The following CCSER1 variants were observed in gnomAD, a reference collection of about 807,000 sequenced individuals.
CCSER1 encodes the protein coiled-coil serine rich protein 1.
CCSER1 carries 41 observed loss-of-function variants against 82.0 expected under a neutral mutation model. The ratio of observed to expected loss-of-function variants is 0.50; its 90% CI spans 0.39 to 0.65. The LOEUF is 0.65. Among genes scored for constraint, CCSER1 ranks in the 30% least tolerant of loss-of-function variants. CCSER1 has a pLI of 0.00. For missense variants in CCSER1, 1,119 were observed against 1,064.2 expected, an observed-to-expected ratio of 1.05 and a Z score of -0.72; for synonymous variants, 414 against 383.9, an observed-to-expected ratio of 1.08 and a Z score of -0.92.
intron 10 of CCSER1, among the ~76,000 whole-genome samples, chr4:91,103,236 A>G (rs1254836000): frequency 6.6e-6 from 1 of 152,070 alleles, no homozygotes; most frequent in Non-Finnish European, 1.5e-5. Context: ...CCTATCCTCC[A>G]AGCACTTTGA....
rs185572886 is a variant in CCSER1 at position 90,702,400 on chromosome 4, C to T, written c.1933-21514C>T. Among the ~76,000 whole-genome samples the T allele has an allele frequency of 8.7e-4, 133 of 152,166 alleles. 2 individuals carry two copies. The East Asian group carries it at 0.022, about 26-fold the overall frequency. On this transcript the variant is annotated intron_variant, in intron 6 of 10. Transcript: ENST00000509176. ...AGTATTTTATTGAGGATTTTTTCAT[C>T]GATGTTCATCAGGGATATTGGTCTA...
intron 10 of CCSER1, among the ~76,000 whole-genome samples, chr4:91,347,292 A>G (rs1012249032): frequency 6.6e-6 from 1 of 152,074 alleles, no homozygotes; most frequent in African/African-American, 2.4e-5. Context: ...TCACTTGACT[A>G]TATTTGCTAT....
intron 8 of CCSER1, among the ~76,000 whole-genome samples, chr4:90,868,830 C>T (rs763401087): frequency 6.6e-6 from 1 of 151,942 alleles, no homozygotes; most frequent in Admixed American, 6.6e-5. Flanking sequence ...CAATAGTGTA[C>T]GAGGGTTCCC....
At chr4:90,396,905 G>T (rs1460822795) in intron 3 of CCSER1, among the ~76,000 whole-genome samples, 1 of 152,020 alleles carries the variant, frequency 6.6e-6, no homozygotes, top group Non-Finnish European at 1.5e-5. Flanking sequence ...GTATCCAGCT[G>T]CTAGGACTGA....
At chr4:90,913,851 C>G (rs1177143668) in intron 8 of CCSER1, among the ~76,000 whole-genome samples, 6 of 152,104 alleles carry the variant, frequency 3.9e-5, no homozygotes, top group Non-Finnish European at 8.8e-5. Context: ...ATCCTAGTCT[C>G]TGATAAAACA....
At chr4:90,636,036 T>G (rs1725357593) in intron 6 of CCSER1, among the ~76,000 whole-genome samples, 1 of 151,528 alleles carries the variant, frequency 6.6e-6, no homozygotes, top group Non-Finnish European at 1.5e-5. Context: ...TTGAAAAAGT[T>G]CAAAAAAAGG....
chr4:91,009,991 A>T (rs972060709), intron 9 of CCSER1, among the ~76,000 whole-genome samples: 8 of 152,036 alleles, frequency 5.3e-5, no homozygotes, highest in African/African-American at 1.7e-4. Context: ...TTACCTGAGA[A>T]TTTTTTACTT....
chr4:91,509,052 T>G (rs965887382), intron 10 of CCSER1, among the ~76,000 whole-genome samples: 2 of 152,014 alleles, frequency 1.3e-5, no homozygotes, highest in African/African-American at 4.8e-5. Flanking sequence ...AATTTCGGAT[T>G]TGCTTATTTT....
intron 10 of CCSER1, among the ~76,000 whole-genome samples, chr4:91,218,184 A>G (rs1371371657): frequency 6.6e-6 from 1 of 152,232 alleles, no homozygotes; most frequent in South Asian, 2.1e-4. Flanking sequence ...TGGGGGACTC[A>G]GTACACCCTT....
At chr4:91,269,770 A>G (rs1244763519) in intron 10 of CCSER1, among the ~76,000 whole-genome samples, 1 of 152,188 alleles carries the variant, frequency 6.6e-6, no homozygotes, top group Non-Finnish European at 1.5e-5. Context: ...AGAGAACTTT[A>G]ACTTCCAGAG....
chr4:91,325,054 TG>T (rs1746457660), intron 10 of CCSER1: 1 of 400,822 alleles, frequency 2.5e-6, no homozygotes, highest in East Asian at 7.2e-5. Context: ...ATCGGACCTG[TG>T]GGGCAAGGGG....
intron 10 of CCSER1, among the ~76,000 whole-genome samples, chr4:91,234,698 C>T (rs1289444254): frequency 6.6e-6 from 1 of 152,090 alleles, no homozygotes; most frequent in Non-Finnish European, 1.5e-5. Context: ...AGTGACATTT[C>T]ACTTTGAGTA....
At chr4:90,668,291 G>A (rs1243193068) in intron 6 of CCSER1, among the ~76,000 whole-genome samples, 2 of 151,814 alleles carry the variant, frequency 1.3e-5, no homozygotes, top group Non-Finnish European at 2.9e-5. Context: ...TTCTGTTATT[G>A]GAAAACTGTC....
intron 10 of CCSER1, among the ~76,000 whole-genome samples, chr4:91,552,768 A>G (rs7675352): frequency 0.69 from 104,219 of 151,044 alleles, 37,063 homozygotes; most frequent in African/African-American, 0.85. Context: ...AATTCTAACA[A>G]TTTTCTTGGT....
chr4:90,690,332 A>G lies in CCSER1; in HGVS notation c.1933-33582A>G, dbSNP rs867451128. ...CATTTTAAATGCTAATCTGCTTGCT[A>G]CCATAAACTAAGTATTAAAAGTGTA... On this transcript the variant is annotated intron_variant, in intron 6 of 10. Transcript: ENST00000509176. Among the ~76,000 whole-genome samples, 25 of 152,180 alleles carry G rather than the reference A, an allele frequency of 1.6e-4. No individual in the cohort carries two copies. In the Middle Eastern group the frequency reaches 0.01, roughly 63 times the overall value.
chr4:91,496,329 TAAAC>T (rs952689217), intron 10 of CCSER1, among the ~76,000 whole-genome samples: 6 of 151,000 alleles, frequency 4.0e-5, no homozygotes, highest in African/African-American at 1.2e-4. Context: ...TAAATTAAGT[TAAAC>T]AAACACATCT....
chr4:90,132,215 T>C (rs1401806390), intron 1 of CCSER1, among the ~76,000 whole-genome samples: 4 of 152,244 alleles, frequency 2.6e-5, no homozygotes, highest in Non-Finnish European at 4.4e-5. Flanking sequence ...ATCTGTTAAT[T>C]GGTACCTTTT....
chr4:91,202,250 T>C (rs1249999724), intron 10 of CCSER1, among the ~76,000 whole-genome samples: 4 of 151,674 alleles, frequency 2.6e-5, no homozygotes, highest in Non-Finnish European at 5.9e-5. Flanking sequence ...GTATTTCTTA[T>C]CTTGCTACTC....
intron 10 of CCSER1, among the ~76,000 whole-genome samples, chr4:91,183,021 C>T (rs1191856637): frequency 6.6e-6 from 1 of 152,216 alleles, no homozygotes; most frequent in Non-Finnish European, 1.5e-5. Context: ...TTAGATATTG[C>T]ATTAGCAACT....
Sources: allele counts gnomAD v4.1 joint callset (sites outside exome capture counted in the v4.1 genomes callset), GRCh38; gene constraint gnomAD v4.1.1; transcripts MANE v1.5; gene names NCBI Gene and HGNC (gene_info 2026-07-23, HGNC 2026-07-21).